Variants in FGF8 observed in about 807,000 individuals in gnomAD.
FGF8 encodes the protein fibroblast growth factor 8.
A neutral mutation model predicts 29.7 loss-of-function variants in FGF8; 12 were observed. That is an observed-to-expected ratio of 0.40 (90% confidence interval 0.26 to 0.65). FGF8 has a LOEUF of 0.65. Among genes scored for constraint, FGF8 ranks in the 30% least tolerant of loss-of-function variants. The pLI is 0.37. For missense variants in FGF8, 271 were observed against 345.1 expected (o/e 0.79, Z 1.70); for synonymous variants, 157 against 144.4 (o/e 1.09, Z -0.63).
At position 101,775,040 on chromosome 10, in the gene FGF8, A is replaced by G. The variant is rs1166048730; in HGVS notation, c.156+90T>C. On this transcript the variant is annotated intron_variant, in intron 3 of 5. Transcript: ENST00000320185. This position sits in a 1 kb window ranked among gnomAD's most constrained non-coding sequence, Gnocchi z 4.6. Reference sequence around the variant, plus strand: ...CCAGCAGGTGCTGGGGGTTCCCCCAACATGCCAGCCCAGGCCACCATCCCC... The same window carrying G: ...CCAGCAGGTGCTGGGGGTTCCCCCAGCATGCCAGCCCAGGCCACCATCCCC... The G allele has an allele frequency of 8.0e-6, 12 of 1,497,112 alleles. No homozygotes were observed. Among genetic ancestry groups the G allele is most frequent in the African/African-American group, 1.4e-5 (1 of 72,478 alleles). The allele number at this position is 1,497,112 out of a possible 1,614,324, so 92.7% of individuals were successfully genotyped here.
At position 101,772,424 on chromosome 10, in the gene FGF8, G is replaced by A. The variant is rs557325327; in HGVS notation, c.338-855C>T. Among the ~76,000 whole-genome samples the A allele has an allele frequency of 6.6e-6, 1 of 152,320 alleles. No homozygotes were observed. Among genetic ancestry groups the A allele is most frequent in the Non-Finnish European group, 1.5e-5 (1 of 68,018 alleles). On this transcript the variant is annotated intron_variant, in intron 4 of 5. Coordinates refer to ENST00000320185, the MANE Select transcript of FGF8 (RefSeq NM_033163.5). The surrounding 1 kb of genome is among the most constrained non-coding windows in gnomAD (Gnocchi z 4.4). The stretch of plus-strand genomic sequence containing the variant: ...TGGCCTCTTAGACTGGAGGCCAGGA[G>A]GCAGGGCTGAATTCTATGCCTCCTT...
chr10:101,775,024 G>T lies in FGF8; in HGVS notation c.156+106C>A, dbSNP rs1426209992. The T allele has an allele frequency of 6.6e-7, 1 of 1,507,322 alleles. No homozygotes were observed. The highest frequency in any genetic ancestry group is 1.4e-5 in the African/African-American group (1 of 72,948). 93.4% of individuals were successfully genotyped at this position (1,507,322 alleles called of 1,614,324 possible). A position where few individuals can be genotyped will look rare whatever the true frequency, so the allele number is the denominator to read the frequency against. ...TCACTGCCCCAAGCCGCCAGCAGGT[G>T]CTGGGGGTTCCCCCAACATGCCAGC... On this transcript the variant is annotated intron_variant, in intron 3 of 5. Transcript: ENST00000320185. This position sits in a 1 kb window ranked among gnomAD's most constrained non-coding sequence, Gnocchi z 4.6.
intron 4 of FGF8, among the ~76,000 whole-genome samples, chr10:101,774,324 C>A (rs2065060627): frequency 6.6e-6 from 1 of 152,216 alleles, no homozygotes; most frequent in African/African-American, 2.4e-5. Context: ...CCAGCAACCT[C>A]CTTTTCCAAC....
In FGF8 at chr10:101,775,554, C is replaced by T. The variant is rs1182026980; in HGVS notation, c.69+186G>A. On this transcript the variant is annotated intron_variant, in intron 2 of 5. Coordinates refer to ENST00000320185, the MANE Select transcript of FGF8 (RefSeq NM_033163.5). The surrounding 1 kb of genome is among the most constrained non-coding windows in gnomAD (Gnocchi z 4.6). ...CCTGGCCACTCACTCGCTGTGTGAC[C>T]TCAGGAGGGGTGCTACCTCTCTGTG... 11 of 652,674 alleles carry T rather than the reference C, an allele frequency of 1.7e-5. No homozygotes were observed. The highest frequency in any genetic ancestry group is 1.4e-4 in the East Asian group (5 of 36,590). The allele number at this position is 652,674 out of a possible 1,614,324, so 40.4% of individuals were successfully genotyped here. A position where few individuals can be genotyped will look rare whatever the true frequency, so the allele number is the denominator to read the frequency against.
At chr10:101,778,415 A>T (rs1478788670), upstream of FGF8, among the ~76,000 whole-genome samples, 1 of 152,194 alleles carries the variant, frequency 6.6e-6, no homozygotes, top group Non-Finnish European at 1.5e-5. Flanking sequence ...CCTGGCTGAG[A>T]CCAGCATTCA....
chr10:101,771,544 G>T lies in FGF8; in HGVS notation c.363C>A (p.Thr121=). The part of the protein sequence containing the change: ...PFAKLIVETD[T]FGSRVRVRGA... Reference sequence around the variant, plus strand: ...CTCGGACTCGAACTCTGCTTCCAAAGGTGTCCGTCTCCACGATGAGCTTTG... The same window carrying T: ...CTCGGACTCGAACTCTGCTTCCAAATGTGTCCGTCTCCACGATGAGCTTTG... Residue 121 remains threonine, a synonymous_variant, in exon 5 of 6, where the codon ACC becomes ACA. Coordinates refer to ENST00000320185, the MANE Select transcript of FGF8 (RefSeq NM_033163.5). This position sits in a 1 kb window ranked among gnomAD's most constrained non-coding sequence, Gnocchi z 5.3. The T allele has an allele frequency of 6.2e-7, 1 of 1,614,192 alleles. No homozygotes were observed. The highest frequency in any genetic ancestry group is 1.1e-5 in the South Asian group (1 of 91,082).
upstream of FGF8, among the ~76,000 whole-genome samples, chr10:101,778,980 G>T (rs913930747): frequency 6.6e-6 from 1 of 152,014 alleles, no homozygotes; most frequent in Non-Finnish European, 1.5e-5. Context: ...TTTCCTGGCC[G>T]CCCCCACACT....
At chr10:101,778,176 T>C (rs529349516), upstream of FGF8, among the ~76,000 whole-genome samples, 29 of 152,368 alleles carry the variant, frequency 1.9e-4, no homozygotes, top group African/African-American at 7.2e-5. Context: ...CGTATGTCGA[T>C]GAACAAATGA....
rs1032350253 is a variant in FGF8 at position 101,775,127 on chromosome 10, C to T, written c.156+3G>A. 3.9e-6 allele frequency: 6 copies of T among 1,548,246 alleles called. No individual in the cohort carries two copies. The highest frequency in any genetic ancestry group is 1.4e-5 in the African/African-American group (1 of 73,010). Reference sequence around the variant, plus strand: ...ACGAGCCCCAGGGAGAAGCTGGACCCACCTGTTGGGAGACACCCTGGGGCT... The same window carrying T: ...ACGAGCCCCAGGGAGAAGCTGGACCTACCTGTTGGGAGACACCCTGGGGCT... On this transcript the variant is annotated splice_donor_region_variant and intron_variant, in intron 3 of 5. Transcript: ENST00000320185. The surrounding 1 kb of genome is among the most constrained non-coding windows in gnomAD (Gnocchi z 4.6).
Position 101,771,470 on chromosome 10 carries a change from A to C in FGF8, c.437T>G (p.Ile146Ser), listed in dbSNP as rs2065024801. Residue 146 changes from isoleucine to serine, a missense_variant, in exon 5 of 6, where the codon ATC becomes AGC. Physicochemically the swap from Ile to Ser is moderately radical, Grantham distance 142. Transcript: ENST00000320185. This position sits in a 1 kb window ranked among gnomAD's most constrained non-coding sequence, Gnocchi z 5.3. ...TGCCTGCTGGGGCCTCACCTTGGCG[A>C]TCAGCTTCCCCTTCTTGTTCATGCA... The part of the protein sequence containing the change: ...YICMNKKGKL[I>S]AKSNGKGKDC... The C allele has an allele frequency of 1.2e-6, 2 of 1,613,790 alleles. No homozygotes were observed. The highest frequency in any genetic ancestry group is 1.3e-5 in the African/African-American group (1 of 74,900).
intron 4 of FGF8, 130 bp downstream of exon 4, chr10:101,774,602 C>T: frequency 1.3e-6 from 1 of 756,252 alleles, no homozygotes; most frequent in Non-Finnish European, 2.2e-6. Flanking sequence ...CCCCAGCTGA[C>T]CCTCAAGACA....
chr10:101,775,836 G>T lies in FGF8; in HGVS notation c.32+33C>A, dbSNP rs1190121113. On this transcript the variant is annotated intron_variant, in intron 1 of 5. Coordinates refer to ENST00000320185, the MANE Select transcript of FGF8 (RefSeq NM_033163.5). This position sits in a 1 kb window ranked among gnomAD's most constrained non-coding sequence, Gnocchi z 4.6. ...GCGGGTGAGGCGAGGGGCGCGGGGGGCGGGTGGCGGGGCAGGGCGGCGCGG... is the reference window on the plus strand; with the variant it reads ...GCGGGTGAGGCGAGGGGCGCGGGGGTCGGGTGGCGGGGCAGGGCGGCGCGG... 6.6e-7 allele frequency: 1 copy of T among 1,519,684 alleles called. No homozygotes were observed. Among genetic ancestry groups the T allele is most frequent in the East Asian group, 2.6e-5 (1 of 38,792 alleles). The allele number at this position is 1,519,684 out of a possible 1,614,324, so 94.1% of individuals were successfully genotyped here.
chr10:101,771,434 C>T lies in FGF8; in HGVS notation c.444+29G>A, dbSNP rs201352161. 5.3e-5 allele frequency: 83 copies of T among 1,566,456 alleles called. No homozygotes were observed. In the Admixed American group the frequency reaches 9.5e-4, roughly 18 times the overall value. On this transcript the variant is annotated intron_variant, in intron 5 of 5. Transcript: ENST00000320185. The surrounding 1 kb of genome is among the most constrained non-coding windows in gnomAD (Gnocchi z 5.3). ...AGCCCAAGCCACTCCCTAGGTCCCGCGGACCCCACCTGCCTGCTGGGGCCT... is the reference window on the plus strand; with the variant it reads ...AGCCCAAGCCACTCCCTAGGTCCCGTGGACCCCACCTGCCTGCTGGGGCCT...
rs552627920 is a variant in FGF8, at chr10:101,775,542, T to C, written c.69+198A>G. On this transcript the variant is annotated intron_variant, in intron 2 of 5. Transcript: ENST00000320185. The surrounding 1 kb of genome is among the most constrained non-coding windows in gnomAD (Gnocchi z 4.6). ...CTTCGTTTCTATCCTGGCCACTCAC[T>C]CGCTGTGTGACCTCAGGAGGGGTGC... The C allele has an allele frequency of 2.8e-4, 174 of 628,264 alleles. No homozygotes were observed. The African/African-American group carries it at 2.8e-3, about 10-fold the overall frequency. 38.9% of individuals were successfully genotyped at this position (628,264 alleles called of 1,614,324 possible). A position where few individuals can be genotyped will look rare whatever the true frequency, so the allele number is the denominator to read the frequency against.
chr10:101,775,848 G>GGGGGGGGGCC lies in FGF8; in HGVS notation c.32+20_32+21insGGCCCCCCCC. The GGGGGGGGGCC allele has an allele frequency of 8.2e-7, 1 of 1,218,734 alleles. No homozygotes were observed. The highest frequency in any genetic ancestry group is 1.1e-6 in the Non-Finnish European group (1 of 872,010). The allele number at this position is 1,218,734 out of a possible 1,614,324, so 75.5% of individuals were successfully genotyped here. ...AGGGGCGCGGGGGGCGGGTGGCGGGGCAGGGCGGCGCGGTACTCACAGGCA... is the reference window on the plus strand; with the variant it reads ...AGGGGCGCGGGGGGCGGGTGGCGGGGGGGGGGGGCCCAGGGCGGCGCGGTACTCACAGGCA... On this transcript the variant is annotated intron_variant, in intron 1 of 5. Transcript: ENST00000320185. The surrounding 1 kb of genome is among the most constrained non-coding windows in gnomAD (Gnocchi z 4.6).
chr10:101,779,200 G>C (rs1040350849), upstream of FGF8, among the ~76,000 whole-genome samples: 3 of 152,098 alleles, frequency 2.0e-5, no homozygotes, highest in Non-Finnish European at 4.4e-5. The surrounding 1 kb of genome is among the most constrained non-coding windows in gnomAD (Gnocchi z 5.7). Flanking sequence ...ACCGCAGCTC[G>C]CTCCGACGCG....
At position 101,774,787 on chromosome 10, in the gene FGF8, C is replaced by A. The variant is rs779793649; in HGVS notation, c.282G>T (p.Val94=). The change falls in exon 4 of 6, where the codon GTG becomes GTT. Residue 94 remains valine, a synonymous_variant. Coordinates refer to ENST00000320185, the MANE Select transcript of FGF8 (RefSeq NM_033163.5). ...QLYSRTSGKH[V]QVLANKRINA... is the part of the protein sequence containing the mutation. ...TGATGCGCTTGTTGGCCAGGACCTG[C>A]ACGTGCTTCCCGCTGGTGCGGCTGT... is the stretch of plus-strand genomic sequence containing the variant. The A allele has an allele frequency of 1.2e-6, 2 of 1,611,918 alleles. No homozygotes were observed. The highest frequency in any genetic ancestry group is 1.7e-6 in the Non-Finnish European group (2 of 1,179,998).
upstream of FGF8, among the ~76,000 whole-genome samples, chr10:101,778,346 C>T (rs770845398): frequency 3.7e-4 from 57 of 152,320 alleles, no homozygotes; most frequent in Non-Finnish European, 6.2e-4. Context: ...GTCCTGGGGT[C>T]ACAGCCAGAG....
intron 5 of FGF8, among the ~76,000 whole-genome samples, 186 bp from the exon 6 acceptor site, chr10:101,770,805 G>A (rs2065013630): frequency 6.6e-6 from 1 of 152,214 alleles, no homozygotes. Flanking sequence ...GCAACTTCCT[G>A]TCCTCCCAGG....
Sources: allele counts gnomAD v4.1 joint callset (sites outside exome capture counted in the v4.1 genomes callset), GRCh38; gene constraint gnomAD v4.1.1; non-coding constraint Gnocchi (gnomAD v3.1); transcripts MANE v1.5; gene names NCBI Gene and HGNC (gene_info 2026-07-23, HGNC 2026-07-21).